The following XIST variants were observed in gnomAD, a reference collection of about 807,000 sequenced individuals.
XIST encodes the protein X inactive specific transcript, also known as X inactive specific transcript (non-protein coding).
exon 1 of XIST, chrX:73,844,125 G>A: frequency 3.6e-6 from 2 of 558,312 alleles, no homozygotes; most frequent in Non-Finnish European, 6.5e-6. Context: ...CCTTGTCTAG[G>A]GCACAAGAAC....
At chrX:73,827,919 G>A (rs1358044911) in exon 6 of XIST, 3 of 525,425 alleles carry the variant, frequency 5.7e-6, no homozygotes, top group Non-Finnish European at 1.0e-5. Context: ...ATGGAAATGG[G>A]TAAGACACAC....
intron 1 of XIST, among the ~76,000 whole-genome samples, chrX:73,838,956 A>C (rs113007541): frequency 0.044 from 4,915 of 111,571 alleles, 266 homozygotes; most frequent in African/African-American, 0.15. Flanking sequence ...CCAAACTGAT[A>C]AGGTTTGGGG....
At chrX:73,826,825 C>T (rs765547800) in exon 6 of XIST, 7 of 558,471 alleles carry the variant, frequency 1.3e-5, no homozygotes, top group Non-Finnish European at 2.3e-5. Flanking sequence ...AGCTACAACC[C>T]TGGGCTAATC....
exon 6 of XIST, chrX:73,824,316 T>C: frequency 5.8e-6 from 3 of 518,570 alleles, no homozygotes; most frequent in Non-Finnish European, 1.0e-5. Flanking sequence ...TCCTACTTTA[T>C]TTGCACAATA....
At chrX:73,841,227 T>G (rs558046778) in intron 1 of XIST, 2 of 364,761 alleles carry the variant, frequency 5.5e-6, no homozygotes, top group African/African-American at 5.2e-5. Flanking sequence ...CATGTATGTA[T>G]GTATCTATTT....
exon 6 of XIST, chrX:73,825,331 G>A (rs1207397183): frequency 1.8e-6 from 1 of 558,866 alleles, no homozygotes; most frequent in Admixed American, 2.2e-5. Context: ...TGTCTGCATA[G>A]TACTATATCC....
Position 73,843,773 on chromosome X carries a change from G to C in XIST, n.8951C>G, listed in dbSNP as rs775151001. 4.7e-5 allele frequency: 26 copies of C among 556,491 alleles called. No individual in the cohort carries two copies. The South Asian group carries it at 5.8e-4, about 12-fold the overall frequency. 45.9% of individuals were successfully genotyped at this position (556,491 alleles called of 1,213,427 possible). Reference sequence around the variant, plus strand: ...CTAAAAACACTAAGAAAGTAGGTAGGATCCTTATCTAGTGCACAGATCAGG... The same window carrying C: ...CTAAAAACACTAAGAAAGTAGGTAGCATCCTTATCTAGTGCACAGATCAGG... On this transcript the variant is annotated non_coding_transcript_exon_variant, in exon 1 of 6. Coordinates refer to ENST00000429829, the Ensembl canonical transcript of XIST.
At chrX:73,831,009 G>A (rs1424803870) in intron 4 of XIST, 1 of 526,170 alleles carries the variant, frequency 1.9e-6, no homozygotes, top group Non-Finnish European at 3.4e-6. Context: ...AATGTATACT[G>A]GAAAACAAAA....
At chrX:73,835,351 T>C (rs1261684206) in intron 2 of XIST, among the ~76,000 whole-genome samples, 1 of 112,280 alleles carries the variant, frequency 8.9e-6, no homozygotes, top group Admixed American at 9.5e-5. Flanking sequence ...TATAAATGTG[T>C]TTTGTGCCAA....
exon 1 of XIST, chrX:73,846,422 C>T: frequency 1.8e-6 from 1 of 556,895 alleles, no homozygotes; most frequent in African/African-American, 2.2e-5. Context: ...CCCTCCTTTT[C>T]TAGTGCATAG....
rs760664809 is a variant in XIST at position 73,842,295 on chromosome X, G to C, written n.10429C>G. 1.3e-5 allele frequency: 7 copies of C among 551,560 alleles called. No homozygotes were observed. In the East Asian group the frequency reaches 2.3e-4, roughly 18 times the overall value. 45.5% of individuals were successfully genotyped at this position (551,560 alleles called of 1,213,427 possible). On this transcript the variant is annotated non_coding_transcript_exon_variant, in exon 1 of 6. Transcript: ENST00000429829. ...ACCAGGCAATCTGCTCTGGAAAGAA[G>C]AATGCAGAGAAAGTGCCAACCTTCC...
chrX:73,838,998 T>G (rs946817161), intron 1 of XIST, among the ~76,000 whole-genome samples: 1 of 111,838 alleles, frequency 8.9e-6, no homozygotes, highest in African/African-American at 3.2e-5. Context: ...AGTTCAGATA[T>G]AATCATTAGT....
At chrX:73,822,590 G>A (rs763680983) in exon 6 of XIST, 9 of 509,231 alleles carry the variant, frequency 1.8e-5, no homozygotes, top group East Asian at 7.2e-5. Context: ...GTGTCTTTTC[G>A]TCATGATTTT....
exon 1 of XIST, chrX:73,851,437 G>A: frequency 7.2e-6 from 4 of 558,573 alleles, no homozygotes; most frequent in South Asian, 6.7e-5. Flanking sequence ...ACAAAGCCTC[G>A]CCCATCATGA....
In XIST at chrX:73,842,999, G is replaced by A. The variant is rs145132185; in HGVS notation, n.9725C>T. 1,511 of 556,789 alleles carry A rather than the reference G, an allele frequency of 2.7e-3. 3 individuals carry two copies. Among genetic ancestry groups the A allele is most frequent in the Non-Finnish European group, 4.1e-3 (1,280 of 308,965 alleles). The allele number at this position is 556,789 out of a possible 1,213,427, so 45.9% of individuals were successfully genotyped here. On this transcript the variant is annotated non_coding_transcript_exon_variant, in exon 1 of 6. Transcript: ENST00000429829. ...TTTACACACTGGCGCAATGCAAAAGGGTTGGGAGTATGGACCACTGTTTGA... is the reference window on the plus strand; with the variant it reads ...TTTACACACTGGCGCAATGCAAAAGAGTTGGGAGTATGGACCACTGTTTGA...
chrX:73,849,929 G>A (rs1013623393), exon 1 of XIST: 1 of 545,613 alleles, frequency 1.8e-6, no homozygotes, highest in African/African-American at 2.3e-5. Flanking sequence ...GGTTTGCTGG[G>A]AGCAGGGCTG....
exon 1 of XIST, chrX:73,850,206 A>C (rs751686992): frequency 5.5e-6 from 3 of 549,013 alleles, no homozygotes; most frequent in African/African-American, 4.5e-5. Context: ...AAAATAGTTA[A>C]GTCAATTTCA....
rs748972503 is a variant in XIST, at chrX:73,842,690, AGT to A, written n.10032_10033del. 8 of 556,060 alleles carry A rather than the reference AGT, an allele frequency of 1.4e-5. No homozygotes were observed. The East Asian group carries it at 2.3e-4, about 16-fold the overall frequency. 45.8% of individuals were successfully genotyped at this position (556,060 alleles called of 1,213,427 possible). A position where few individuals can be genotyped will look rare whatever the true frequency, so the allele number is the denominator to read the frequency against. On this transcript the variant is annotated non_coding_transcript_exon_variant, in exon 1 of 6. Coordinates refer to ENST00000429829, the Ensembl canonical transcript of XIST. The stretch of plus-strand genomic sequence containing the variant: ...CATACTCAGAAGCAATGCGAAAGGA[AGT>A]AGAGGGGTTCATGTATAATGGGTGG...
At chrX:73,835,656 T>C (rs1197716486) in intron 2 of XIST, among the ~76,000 whole-genome samples, 1 of 112,037 alleles carries the variant, frequency 8.9e-6, no homozygotes, top group African/African-American at 3.2e-5. Context: ...AAATAGTACA[T>C]AATAATATTT....
Sources: gnomAD v4.1 joint callset for allele counts (sites outside exome capture counted in the v4.1 genomes callset) on GRCh38, gnomAD v4.1.1 for gene constraint, MANE v1.5 for transcripts, NCBI Gene and HGNC (gene_info 2026-07-23, HGNC 2026-07-21) for gene names.